Variants in GPM6B observed in about 807,000 individuals in gnomAD.
The protein encoded by GPM6B is glycoprotein M6B, also known as neuronal membrane glycoprotein M6-b.
Under a neutral mutation model 27.2 loss-of-function variants are expected in GPM6B, and 4 were observed. That is an observed-to-expected ratio of 0.15 (90% CI 0.07 to 0.34). The LOEUF (loss-of-function observed/expected upper bound fraction) is 0.34. Among genes scored for constraint, GPM6B ranks in the 10% least tolerant of loss-of-function variants. GPM6B has a pLI of 1.00. For synonymous variants in GPM6B, 124 were observed against 103.1 expected (o/e 1.20, Z -1.23); for missense variants, 183 against 261.9 (o/e 0.70, Z 2.08).
At position 13,785,683 on chromosome X, in the gene GPM6B, C is replaced by T. The variant is rs776965626; in HGVS notation, c.307G>A (p.Val103Met). Residue 103 changes from valine (V) to methionine (M), a missense_variant, in exon 3 of 8, where the codon GTG becomes ATG. By Grantham distance (21) the Val-to-Met change is conservative (BLOSUM62 1). Transcript: ENST00000316715. ...GAGAAGTGTTGCTCAAGAATCGCCA[C>T]GGTGCCTGCGAGAGCCACATGCCCA... is the stretch of plus-strand genomic sequence containing the variant. Reference protein sequence around the residue: ...GCGHVALAGTVAILEQHFSTN... With the variant: ...GCGHVALAGTMAILEQHFSTN... The T allele has an allele frequency of 2.3e-5, 28 of 1,209,978 alleles. No homozygotes were observed. Among genetic ancestry groups the T allele is most frequent in the African/African-American group, 1.9e-4 (11 of 57,175 alleles).
At chrX:13,807,858 G>A in intron 1 of GPM6B, 89 bp from the exon 2 acceptor site, 1 of 871,418 alleles carries the variant, frequency 1.1e-6, no homozygotes, top group Non-Finnish European at 1.6e-6. Flanking sequence ...ACCATAGAAA[G>A]GAAATGGGGA....
chrX:13,802,040 G>A (rs2048929521), intron 2 of GPM6B, among the ~76,000 whole-genome samples: 1 of 111,175 alleles, frequency 9.0e-6, no homozygotes, highest in Non-Finnish European at 1.9e-5. Flanking sequence ...TGAGGAGGTG[G>A]GAAGACCTAA....
chrX:13,907,593 C>T (rs1050968731), intron 1 of GPM6B, among the ~76,000 whole-genome samples: 2 of 110,897 alleles, frequency 1.8e-5, no homozygotes, highest in Non-Finnish European at 3.8e-5. Flanking sequence ...TCACTTGAAC[C>T]CGGGAGGCGG....
intron 2 of GPM6B, among the ~76,000 whole-genome samples, chrX:13,806,105 C>T (rs961134382): frequency 4.5e-5 from 5 of 111,396 alleles, no homozygotes; most frequent in African/African-American, 1.3e-4. Context: ...GTGTGACCAT[C>T]GCCACAATCT....
chrX:13,844,999 T>C (rs2049628004), intron 1 of GPM6B, among the ~76,000 whole-genome samples: 1 of 107,226 alleles, frequency 9.3e-6, no homozygotes, highest in East Asian at 3.0e-4. Flanking sequence ...TTTCTTTTTT[T>C]TTTTTTTTGA....
chrX:13,820,730 C>T (rs902704730), upstream of GPM6B, among the ~76,000 whole-genome samples: 14 of 111,672 alleles, frequency 1.3e-4, no homozygotes, highest in Admixed American at 1.3e-3. Flanking sequence ...CATCACTTCC[C>T]ATCCTCCTAG....
intron 7 of GPM6B, 121 bp from the exon 8 acceptor site, chrX:13,773,151 C>G (rs2048331782): frequency 1.9e-6 from 1 of 535,346 alleles, no homozygotes; most frequent in Non-Finnish European, 3.0e-6. Flanking sequence ...TTAATAAATA[C>G]TCGCTCTACT....
At chrX:13,783,871 A>G (rs2048562796) in intron 3 of GPM6B, 4 of 346,417 alleles carry the variant, frequency 1.2e-5, no homozygotes, top group African/African-American at 2.6e-5. Flanking sequence ...GAGGATACAC[A>G]GTTAGTGGCA....
chrX:13,933,201 A>G (rs1921663747), intron 1 of GPM6B, among the ~76,000 whole-genome samples: 1 of 112,001 alleles, frequency 8.9e-6, no homozygotes, highest in South Asian at 3.8e-4. Flanking sequence ...AATCATTCCA[A>G]TGAACATTGG....
intron 5 of GPM6B, 24 bp downstream of exon 5, chrX:13,779,794 G>T (rs755528245): frequency 1.8e-6 from 2 of 1,127,438 alleles, no homozygotes; most frequent in Non-Finnish European, 2.4e-6. Context: ...ATAACTGGGG[G>T]AGGGGTGAAT....
intron 1 of GPM6B, among the ~76,000 whole-genome samples, chrX:13,891,228 G>A (rs1454706328): frequency 9.0e-6 from 1 of 111,364 alleles, no homozygotes; most frequent in Non-Finnish European, 1.9e-5. Flanking sequence ...AGCATTACCC[G>A]GAAGGTCATT....
intron 1 of GPM6B, among the ~76,000 whole-genome samples, chrX:13,877,824 C>CAAAAAA (rs761891419): frequency 0.011 from 291 of 27,449 alleles, 47 homozygotes; most frequent in African/African-American, 0.05. Flanking sequence ...CAGACTCTGC[C>CAAAAAA]AAAAAAAAAA....
chrX:13,793,971 G>A (rs775129658), intron 2 of GPM6B, among the ~76,000 whole-genome samples: 3 of 111,614 alleles, frequency 2.7e-5, no homozygotes, highest in Admixed American at 9.5e-5. Flanking sequence ...AACCTATTTT[G>A]TGACACATGA....
intron 1 of GPM6B, among the ~76,000 whole-genome samples, chrX:13,928,332 T>C (rs989620595): frequency 8.9e-6 from 1 of 112,617 alleles, no homozygotes; most frequent in Non-Finnish European, 1.9e-5. Context: ...ACACATATTA[T>C]ACTTCAATAA....
chrX:13,860,001 G>A (rs773688823), intron 1 of GPM6B, among the ~76,000 whole-genome samples: 1 of 111,559 alleles, frequency 9.0e-6, no homozygotes, highest in South Asian at 3.7e-4. Flanking sequence ...TCCAGTACCA[G>A]GTTAAAAAAG....
At chrX:13,886,994 T>C (rs1221039358) in intron 1 of GPM6B, among the ~76,000 whole-genome samples, 1 of 111,345 alleles carries the variant, frequency 9.0e-6, no homozygotes, top group African/African-American at 3.3e-5. Flanking sequence ...TTTTTTTGTA[T>C]TTTTAGTAGA....
intron 1 of GPM6B, among the ~76,000 whole-genome samples, chrX:13,841,007 G>A (rs2049566970): frequency 8.9e-6 from 1 of 112,070 alleles, no homozygotes; most frequent in Non-Finnish European, 1.9e-5. Context: ...ATGGGTGTAT[G>A]TGCATGTCTC....
chrX:13,905,843 C>T (rs1254953932), intron 1 of GPM6B, among the ~76,000 whole-genome samples: 1 of 109,542 alleles, frequency 9.1e-6, no homozygotes, highest in African/African-American at 3.3e-5. Flanking sequence ...AAGATTTGGT[C>T]TGAGCCAGTT....
At chrX:13,836,713 C>T (rs1221077817) in intron 1 of GPM6B, among the ~76,000 whole-genome samples, 2 of 112,663 alleles carry the variant, frequency 1.8e-5, no homozygotes, top group Non-Finnish European at 3.7e-5. Context: ...TAGCTTCAAA[C>T]GATTCACTTT....
Sources: allele counts gnomAD v4.1 joint callset (sites outside exome capture counted in the v4.1 genomes callset), GRCh38; gene constraint gnomAD v4.1.1; transcripts MANE v1.5; gene names NCBI Gene and HGNC (gene_info 2026-07-23, HGNC 2026-07-21).